Variants in CLSTN2 observed in about 807,000 individuals in gnomAD.
CLSTN2 encodes the protein calsyntenin 2.
In CLSTN2, 48 loss-of-function variants were observed where a neutral mutation model predicts 101.2. The observed-to-expected ratio is 0.47, with a 90% CI of 0.38 to 0.60. CLSTN2 has a LOEUF of 0.60. CLSTN2 is among the 20% of genes least tolerant of loss of function. CLSTN2 has a pLI of 0.00. For synonymous variants in CLSTN2, 481 were observed against 463.6 expected, an observed-to-expected ratio of 1.04 and a Z score of -0.48; for missense variants, 1,160 against 1,238.2, an observed-to-expected ratio of 0.94 and a Z score of 0.95.
At chr3:139,952,852 G>A (rs564790539) in intron 1 of CLSTN2, among the ~76,000 whole-genome samples, 1 of 152,248 alleles carries the variant, frequency 6.6e-6, no homozygotes, top group Non-Finnish European at 1.5e-5. Context: ...GGAGCCCCAG[G>A]ATGCAATGGT....
rs2010233144 is a variant in CLSTN2, at chr3:140,171,779, TATATA to T, written c.110-4166_110-4162del. On this transcript the variant is annotated intron_variant, in intron 1 of 16. Transcript: ENST00000458420. ...ATAATATATAATATATAATATGTAT[TATATA>T]ATATATAATATATAATATGTATTAT... 7.1e-5 allele frequency among the ~76,000 whole-genome samples: 5 copies of T among 70,716 alleles called. No individual in the cohort carries two copies. In the South Asian group the frequency reaches 1.5e-3, roughly 21 times the overall value. The allele number at this position is 70,716 out of a possible 152,430, so 46.4% of individuals were successfully genotyped here.
At position 140,570,529 on chromosome 3, in the gene CLSTN2, G is replaced by A. The variant is rs914057567; in HGVS notation, c.*4276G>A. The A allele has an allele frequency of 6.6e-6, 1 of 152,150 alleles. No homozygotes were observed. Among genetic ancestry groups the A allele is most frequent in the Non-Finnish European group, 1.5e-5 (1 of 68,022 alleles). 9.4% of individuals were successfully genotyped at this position (152,150 alleles called of 1,614,324 possible). A position where few individuals can be genotyped will look rare whatever the true frequency, so the allele number is the denominator to read the frequency against. On this transcript the variant is annotated 3_prime_UTR_variant, in exon 17 of 17. Coordinates refer to ENST00000458420, the MANE Select transcript of CLSTN2 (RefSeq NM_022131.3). Reference sequence around the variant, plus strand: ...GGAGTTCTGGAACCAATCCCCTACAGATACTGAGGGATGACTGTACTCAGC... The same window carrying A: ...GGAGTTCTGGAACCAATCCCCTACAAATACTGAGGGATGACTGTACTCAGC...
intron 1 of CLSTN2, among the ~76,000 whole-genome samples, chr3:140,025,052 A>G (rs1016811436): frequency 6.6e-6 from 1 of 152,188 alleles, no homozygotes; most frequent in Non-Finnish European, 1.5e-5. Context: ...ATTAAGCCCC[A>G]TGGAGGGTTG....
intron 2 of CLSTN2, among the ~76,000 whole-genome samples, chr3:140,321,155 G>A (rs1180936446): frequency 6.6e-6 from 1 of 152,224 alleles, no homozygotes; most frequent in African/African-American, 2.4e-5. Flanking sequence ...TCCCTTGGCT[G>A]TATGATTCTA....
At chr3:140,378,302 T>C (rs367737097) in intron 2 of CLSTN2, among the ~76,000 whole-genome samples, 1 of 152,372 alleles carries the variant, frequency 6.6e-6, no homozygotes, top group South Asian at 2.1e-4. Flanking sequence ...TGACATGTAG[T>C]AGATGCTCAG....
intron 1 of CLSTN2, among the ~76,000 whole-genome samples, chr3:140,142,346 A>G (rs2009714683): frequency 1.3e-5 from 2 of 152,242 alleles, no homozygotes; most frequent in Non-Finnish European, 2.9e-5. Context: ...TCATAGAGGG[A>G]CCCTTACCCT....
chr3:140,524,958 A>G (rs1935106026), intron 8 of CLSTN2, among the ~76,000 whole-genome samples: 1 of 152,228 alleles, frequency 6.6e-6, no homozygotes, highest in African/African-American at 2.4e-5. Context: ...GTTAAGAGGA[A>G]AGTGTATAGC....
chr3:139,986,758 G>T (rs764248499), intron 1 of CLSTN2, among the ~76,000 whole-genome samples: 3 of 152,142 alleles, frequency 2.0e-5, no homozygotes, highest in Admixed American at 2.0e-4. Flanking sequence ...TTCCCTGCCT[G>T]TAAGGACAGG....
chr3:140,187,555 T>C (rs2010501748), intron 2 of CLSTN2, among the ~76,000 whole-genome samples: 1 of 152,210 alleles, frequency 6.6e-6, no homozygotes, highest in African/African-American at 2.4e-5. Flanking sequence ...GGCTTGATGC[T>C]CCCAGGTTTT....
At chr3:140,384,301 T>C (rs2088026598) in intron 2 of CLSTN2, among the ~76,000 whole-genome samples, 1 of 152,192 alleles carries the variant, frequency 6.6e-6, no homozygotes, top group East Asian at 1.9e-4. Flanking sequence ...AATCGTTTTA[T>C]TTTGCTCCAG....
chr3:140,086,031 A>G (rs1397860894), intron 1 of CLSTN2, among the ~76,000 whole-genome samples: 1 of 152,196 alleles, frequency 6.6e-6, no homozygotes, highest in Non-Finnish European at 1.5e-5. Context: ...AGCCAACTAT[A>G]AATCTCTCAT....
At chr3:140,233,319 CCTT>C (rs747110834) in intron 2 of CLSTN2, among the ~76,000 whole-genome samples, 8 of 152,136 alleles carry the variant, frequency 5.3e-5, no homozygotes, top group Non-Finnish European at 1.2e-4. Context: ...CAGAGGCTGA[CCTT>C]CTTTCTGTAA....
intron 2 of CLSTN2, among the ~76,000 whole-genome samples, chr3:140,333,743 G>T (rs2087412163): frequency 6.6e-6 from 1 of 151,838 alleles, no homozygotes; most frequent in Admixed American, 6.6e-5. Context: ...ATTATTGTGA[G>T]TAGGCATTAC....
Position 140,333,682 on chromosome 3 carries a change from CTGTGTG to C in CLSTN2, c.233-69919_233-69914del, listed in dbSNP as rs10545391. ...GAAACTAACAGTATTAGAGTGGAGA[CTGTGTG>C]TGTGTGTGTGTGTGTGTGTGTGTGT... On this transcript the variant is annotated intron_variant, in intron 2 of 16. Coordinates refer to ENST00000458420, the MANE Select transcript of CLSTN2 (RefSeq NM_022131.3). Among the ~76,000 whole-genome samples the C allele has an allele frequency of 8.8e-4, 130 of 147,646 alleles. 1 individual carries two copies. The Middle Eastern group carries it at 0.014, about 16-fold the overall frequency.
chr3:140,541,121 C>T (rs1297605821), intron 9 of CLSTN2, among the ~76,000 whole-genome samples: 1 of 152,170 alleles, frequency 6.6e-6, no homozygotes, highest in African/African-American at 2.4e-5. Flanking sequence ...CCCCTTGAAC[C>T]TTCCAAGCCA....
chr3:140,558,574 C>T (rs1935845709), intron 11 of CLSTN2, 66 bp from the exon 12 acceptor site: 2 of 1,388,638 alleles, frequency 1.4e-6, no homozygotes, highest in South Asian at 1.2e-5. Context: ...ACCCCTTGTT[C>T]CTGGCTGTAT....
intron 5 of CLSTN2, among the ~76,000 whole-genome samples, chr3:140,426,443 C>T (rs562363430): frequency 6.6e-6 from 1 of 152,228 alleles, no homozygotes; most frequent in Non-Finnish European, 1.5e-5. Flanking sequence ...CATGTCCCTG[C>T]AAAGGACATG....
intron 1 of CLSTN2, among the ~76,000 whole-genome samples, chr3:140,056,741 A>G (rs940756170): frequency 6.6e-6 from 1 of 152,218 alleles, no homozygotes; most frequent in South Asian, 2.1e-4. Context: ...ACAGTAGGTC[A>G]TATTTGGAGA....
intron 9 of CLSTN2, among the ~76,000 whole-genome samples, chr3:140,533,411 T>C (rs913937463): frequency 6.6e-6 from 1 of 152,162 alleles, no homozygotes; most frequent in Non-Finnish European, 1.5e-5. Flanking sequence ...AGGTGGGCTA[T>C]AGTATAAGAA....
Sources: allele counts gnomAD v4.1 joint callset (sites outside exome capture counted in the v4.1 genomes callset), GRCh38; gene constraint gnomAD v4.1.1; transcripts MANE v1.5; gene names NCBI Gene and HGNC (gene_info 2026-07-23, HGNC 2026-07-21).